The following ITPK1 variants were observed in gnomAD, a reference collection of about 807,000 sequenced individuals.
ITPK1 encodes the protein inositol 1,3,4-trisphosphate 5/6-kinase.
Under a neutral mutation model 45.3 loss-of-function variants are expected in ITPK1, and 21 were observed. The ratio of observed to expected loss-of-function variants is 0.46; its 90% CI spans 0.33 to 0.67. The LOEUF is 0.67. Ranked by LOEUF, ITPK1 falls within the 30% of genes least tolerant of loss-of-function variation. ITPK1 has a pLI of 0.02. For missense variants in ITPK1, 474 were observed against 573.5 expected (o/e 0.83, Z 1.77); for synonymous variants, 258 against 253.6 (o/e 1.02, Z -0.16).
chr14:93,028,697 T>A (rs1289408075), intron 3 of ITPK1, among the ~76,000 whole-genome samples: 1 of 152,168 alleles, frequency 6.6e-6, no homozygotes, highest in East Asian at 1.9e-4. Context: ...GGATGTCAGC[T>A]CTCAGACCCT....
At chr14:93,059,912 T>TG (rs1201642417) in intron 3 of ITPK1, among the ~76,000 whole-genome samples, 1 of 50,826 alleles carries the variant, frequency 2.0e-5, no homozygotes, top group Admixed American at 2.1e-4. Context: ...GAGGCAGGGG[T>TG]GGGGGGTGCT....
rs1000176788 is a variant in ITPK1, at chr14:93,036,332, T to C, written c.121-19531A>G. Among the ~76,000 whole-genome samples, 6 of 152,194 alleles carry C rather than the reference T, an allele frequency of 3.9e-5. No homozygotes were observed. The highest frequency in any genetic ancestry group is 3.9e-4 in the Admixed American group (6 of 15,290). ...TCCGGTTGAGGCCACAAGGTCATGC[T>C]CTGTGACAGCGTGAGAAGAACTGCA... On this transcript the variant is annotated intron_variant, in intron 3 of 10. Coordinates refer to ENST00000267615, the MANE Select transcript of ITPK1 (RefSeq NM_014216.6). This position sits in a 1 kb window ranked among gnomAD's most constrained non-coding sequence, Gnocchi z 4.1.
intron 2 of ITPK1, among the ~76,000 whole-genome samples, chr14:93,078,491 C>T (rs966538371): frequency 7.2e-5 from 11 of 152,264 alleles, no homozygotes; most frequent in African/African-American, 2.4e-4. Flanking sequence ...ACCTGGGCCC[C>T]GAGGAATCCA....
chr14:93,007,663 T>A (rs920354210), intron 4 of ITPK1, among the ~76,000 whole-genome samples: 2 of 152,088 alleles, frequency 1.3e-5, no homozygotes, highest in Non-Finnish European at 2.9e-5. Flanking sequence ...AGGCTCTAGG[T>A]GCACAATAAG....
intron 5 of ITPK1, among the ~76,000 whole-genome samples, chr14:92,967,676 G>A (rs1451052648): frequency 6.6e-6 from 1 of 152,162 alleles, no homozygotes; most frequent in Non-Finnish European, 1.5e-5. Context: ...ACTGCAGAAG[G>A]AATAAACAAA....
At chr14:93,114,094 T>G (rs1037147658) in intron 2 of ITPK1, among the ~76,000 whole-genome samples, 1 of 152,244 alleles carries the variant, frequency 6.6e-6, no homozygotes, top group African/African-American at 2.4e-5. Context: ...AAAATCAGTC[T>G]AACAAGCTGC....
At chr14:93,023,171 C>T (rs755691215) in intron 3 of ITPK1, among the ~76,000 whole-genome samples, 2 of 152,228 alleles carry the variant, frequency 1.3e-5, no homozygotes, top group Non-Finnish European at 2.9e-5. Context: ...TGAGCCACCG[C>T]ACACGGCCTA....
intron 2 of ITPK1, among the ~76,000 whole-genome samples, chr14:93,106,964 C>CTTT (rs36024862): frequency 6.7e-6 from 1 of 148,932 alleles, no homozygotes; most frequent in African/African-American, 2.5e-5. Flanking sequence ...CACTAACATA[C>CTTT]TTTTTTTTTT....
At chr14:93,005,233 C>T (rs1298610207) in intron 4 of ITPK1, among the ~76,000 whole-genome samples, 3 of 152,084 alleles carry the variant, frequency 2.0e-5, no homozygotes, top group Non-Finnish European at 4.4e-5. Flanking sequence ...AACTGATGGG[C>T]TGCCTTCATC....
intron 3 of ITPK1, among the ~76,000 whole-genome samples, chr14:93,024,470 T>A (rs1259199053): frequency 6.6e-6 from 1 of 152,188 alleles, no homozygotes; most frequent in East Asian, 1.9e-4. Context: ...CAGCCATCGA[T>A]TACCTCCCTC....
intron 2 of ITPK1, among the ~76,000 whole-genome samples, chr14:93,095,841 T>C (rs1433803360): frequency 6.6e-6 from 1 of 151,822 alleles, no homozygotes; most frequent in African/African-American, 2.4e-5. Flanking sequence ...AGTAAGAACA[T>C]GAAACATTTG....
intron 4 of ITPK1, among the ~76,000 whole-genome samples, chr14:92,997,266 C>A (rs912550121): frequency 1.3e-5 from 2 of 152,134 alleles, no homozygotes; most frequent in Non-Finnish European, 2.9e-5. Flanking sequence ...TAAATGAGGG[C>A]GATTCTGATT....
rs1428603188 is a variant in ITPK1 at position 92,951,959 on chromosome 14, G to A, written c.725C>T (p.Ser242Leu). ...SHNVSKPESS[S>L]VLTELDKIEG... is the part of the protein sequence containing the mutation. The stretch of plus-strand genomic sequence containing the variant: ...AGAGGGACCCACCTCCGTCAGGACC[G>A]ATGACGACTCCGGCTTTGACACGTT... The change falls in exon 9 of 11, where the codon TCG (serine) becomes TTG (leucine). Residue 242 changes from serine (S) to leucine (L), a missense_variant. Physicochemically the swap from Ser to Leu is moderately radical, Grantham distance 145. Coordinates refer to ENST00000267615, the MANE Select transcript of ITPK1 (RefSeq NM_014216.6). The A allele has an allele frequency of 6.3e-7, 1 of 1,578,944 alleles. No individual in the cohort carries two copies. The highest frequency in any genetic ancestry group is 8.6e-7 in the Non-Finnish European group (1 of 1,161,900).
chr14:92,970,630 G>A (rs914177698), intron 5 of ITPK1, among the ~76,000 whole-genome samples: 3 of 149,694 alleles, frequency 2.0e-5, no homozygotes, highest in East Asian at 2.0e-4. Context: ...CTAAGTTCTC[G>A]CAGCATCATT....
intron 10 of ITPK1, among the ~76,000 whole-genome samples, chr14:92,942,788 T>C (rs1328641327): frequency 6.6e-6 from 1 of 152,242 alleles, no homozygotes; most frequent in Non-Finnish European, 1.5e-5. Context: ...AGGATTCTGC[T>C]GGCTCCCAGC....
intron 4 of ITPK1, among the ~76,000 whole-genome samples, chr14:93,015,661 G>A (rs1215664737): frequency 6.6e-6 from 1 of 152,246 alleles, no homozygotes; most frequent in South Asian, 2.1e-4. Flanking sequence ...CCCCAAGCAG[G>A]GGATGCCAGG....
At chr14:93,080,099 G>A (rs1017276842) in intron 2 of ITPK1, among the ~76,000 whole-genome samples, 4 of 152,234 alleles carry the variant, frequency 2.6e-5, no homozygotes, top group East Asian at 1.9e-4. Flanking sequence ...ATGCACCCAC[G>A]AGGAATTATC....
Position 92,973,731 on chromosome 14 carries a change from C to T in ITPK1, c.365-10882G>A, listed in dbSNP as rs189533830. ...AACACCCACAGTCAACTCACAGGCACGTGGGTGGGAGGGCCGCACAGGCCT... is the reference window on the plus strand; with the variant it reads ...AACACCCACAGTCAACTCACAGGCATGTGGGTGGGAGGGCCGCACAGGCCT... On this transcript the variant is annotated intron_variant, in intron 5 of 10. Transcript: ENST00000267615. Among the ~76,000 whole-genome samples the T allele has an allele frequency of 1.2e-4, 19 of 152,316 alleles. No individual in the cohort carries two copies. The East Asian group carries it at 3.5e-3, about 28-fold the overall frequency.
chr14:93,011,934 C>T (rs143260216), intron 4 of ITPK1, among the ~76,000 whole-genome samples: 18 of 151,942 alleles, frequency 1.2e-4, no homozygotes, highest in African/African-American at 4.3e-4. Context: ...TGAAAAAGCC[C>T]TCAAGCTCCG....
Sources: allele counts gnomAD v4.1 joint callset (sites outside exome capture counted in the v4.1 genomes callset), GRCh38; gene constraint gnomAD v4.1.1; non-coding constraint Gnocchi (gnomAD v3.1); transcripts MANE v1.5; gene names NCBI Gene and HGNC (gene_info 2026-07-23, HGNC 2026-07-21).